Variants in KIF26B observed in about 807,000 individuals in gnomAD.
KIF26B encodes the protein kinesin family member 26B, also known as kinesin-like protein KIF26B.
A neutral mutation model predicts 151.2 loss-of-function variants in KIF26B; 63 were observed. The ratio of observed to expected loss-of-function variants is 0.42; its 90% CI spans 0.34 to 0.51. The LOEUF (loss-of-function observed/expected upper bound fraction) is 0.51. KIF26B is among the 20% of genes least tolerant of loss of function. KIF26B has a pLI of 0.07. For missense variants in KIF26B, 2,813 were observed against 2,913.6 expected, an observed-to-expected ratio of 0.97 and a Z score of 0.79; for synonymous variants, 1,357 against 1,262.1, an observed-to-expected ratio of 1.08 and a Z score of -1.59.
intron 4 of KIF26B, among the ~76,000 whole-genome samples, chr1:245,530,024 T>C (rs1661325443): frequency 6.6e-6 from 1 of 152,136 alleles, no homozygotes; most frequent in Non-Finnish European, 1.5e-5. Flanking sequence ...AAGATCTGAA[T>C]AGACATTTCT....
At position 245,563,919 on chromosome 1, in the gene KIF26B, C is replaced by T. The variant is rs946336331; in HGVS notation, c.1350+22969C>T. On this transcript the variant is annotated intron_variant, in intron 5 of 14. Coordinates refer to ENST00000407071, the MANE Select transcript of KIF26B (RefSeq NM_018012.4). The surrounding 1 kb of genome is among the most constrained non-coding windows in gnomAD (Gnocchi z 4.6). ...GACCCTGCACTACAGGTTCCTTTTTCTCTCCCTGTCCGTGCATCCATCTGT... is the reference window on the plus strand; with the variant it reads ...GACCCTGCACTACAGGTTCCTTTTTTTCTCCCTGTCCGTGCATCCATCTGT... 3.9e-5 allele frequency among the ~76,000 whole-genome samples: 6 copies of T among 152,144 alleles called. No individual in the cohort carries two copies. Among genetic ancestry groups the T allele is most frequent in the Non-Finnish European group, 5.9e-5 (4 of 68,030 alleles).
At chr1:245,550,505 A>C (rs1036743285) in intron 5 of KIF26B, among the ~76,000 whole-genome samples, 1 of 152,236 alleles carries the variant, frequency 6.6e-6, no homozygotes, top group Non-Finnish European at 1.5e-5. Flanking sequence ...CCCTAGCAGC[A>C]GCGTCGGCAC....
Position 245,419,709 on chromosome 1 carries a change from C to A in KIF26B, c.1130C>A (p.Ser377Tyr). 2 of 1,613,414 alleles carry A rather than the reference C, an allele frequency of 1.2e-6. No homozygotes were observed. The highest frequency in any genetic ancestry group is 1.7e-6 in the Non-Finnish European group (2 of 1,179,600). ...GGCTCCTGCGTGGCCAGCGAGACTTCCACAGGCACATCGGTGGCCGCCTCC... is the reference window on the plus strand; with the variant it reads ...GGCTCCTGCGTGGCCAGCGAGACTTACACAGGCACATCGGTGGCCGCCTCC... ...SQGSCVASETSTGTSVAASFF... is the reference protein window; with the variant it reads ...SQGSCVASETYTGTSVAASFF... The change falls in exon 4 of 15, where the codon TCC becomes TAC. Residue 377 changes from serine to tyrosine, a missense_variant. Coordinates refer to ENST00000407071, the MANE Select transcript of KIF26B (RefSeq NM_018012.4).
At chr1:245,469,111 T>C (rs373188838) in intron 4 of KIF26B, among the ~76,000 whole-genome samples, 1 of 152,232 alleles carries the variant, frequency 6.6e-6, no homozygotes, top group Non-Finnish European at 1.5e-5. Flanking sequence ...GGCTGCAACG[T>C]AAATGACCTC....
chr1:245,315,460 G>T (rs1165218424), intron 2 of KIF26B, among the ~76,000 whole-genome samples: 1 of 152,004 alleles, frequency 6.6e-6, no homozygotes, highest in Non-Finnish European at 1.5e-5. Context: ...AGTGGCTCAT[G>T]CCTGTAATCC....
intron 4 of KIF26B, among the ~76,000 whole-genome samples, chr1:245,490,914 C>T (rs2103073864): frequency 6.6e-6 from 1 of 152,314 alleles, no homozygotes; most frequent in Middle Eastern, 3.4e-3. Flanking sequence ...TACATTAACT[C>T]TCCTTATGGT....
chr1:245,658,975 T>C (rs2044103593), intron 10 of KIF26B, among the ~76,000 whole-genome samples: 1 of 151,506 alleles, frequency 6.6e-6, no homozygotes, highest in Non-Finnish European at 1.5e-5. Flanking sequence ...CTCACACTTG[T>C]AATCCCAGCA....
rs1396061803 is a variant in KIF26B at position 245,540,741 on chromosome 1, C to A, written c.1167-26C>A. The A allele has an allele frequency of 6.3e-7, 1 of 1,594,384 alleles. No homozygotes were observed. Among genetic ancestry groups the A allele is most frequent in the Non-Finnish European group, 8.6e-7 (1 of 1,162,282 alleles). On this transcript the variant is annotated intron_variant, in intron 4 of 14. Coordinates refer to ENST00000407071, the MANE Select transcript of KIF26B (RefSeq NM_018012.4). The surrounding 1 kb of genome is among the most constrained non-coding windows in gnomAD (Gnocchi z 4.6). ...AGATCTGATCGTACAATCATTTTCC[C>A]CTTATTGTTCCTTTTTCCACTCCAG...
intron 2 of KIF26B, among the ~76,000 whole-genome samples, chr1:245,296,103 G>A (rs1186803795): frequency 1.3e-5 from 2 of 151,982 alleles, no homozygotes; most frequent in South Asian, 2.1e-4. Context: ...ATTGAATTGG[G>A]TTGTACATGC....
intron 9 of KIF26B, 160 bp from the exon 10 acceptor site, chr1:245,645,961 C>T: frequency 3.0e-6 from 2 of 677,312 alleles, no homozygotes; most frequent in South Asian, 2.1e-5. Flanking sequence ...CTATTTGCAA[C>T]CCCAGCGTGA....
chr1:245,604,845 C>T (rs1026443206), intron 6 of KIF26B, among the ~76,000 whole-genome samples: 2 of 152,116 alleles, frequency 1.3e-5, no homozygotes, highest in African/African-American at 2.4e-5. Context: ...CAAGACATTT[C>T]GTAGACATTA....
chr1:245,536,567 G>A (rs898531892), intron 4 of KIF26B, among the ~76,000 whole-genome samples: 17 of 152,204 alleles, frequency 1.1e-4, no homozygotes, highest in Non-Finnish European at 2.4e-4. Context: ...ATTGACTGTG[G>A]CTGTGTGACA....
chr1:245,441,919 A>G (rs72761188), intron 4 of KIF26B, among the ~76,000 whole-genome samples: 19,557 of 152,120 alleles, frequency 0.13, 1,291 homozygotes, highest in South Asian at 0.16. Context: ...ATCCACAGAC[A>G]CTGGCAGACG....
At chr1:245,343,244 T>G (rs903641492) in intron 2 of KIF26B, among the ~76,000 whole-genome samples, 1 of 152,180 alleles carries the variant, frequency 6.6e-6, no homozygotes, top group Admixed American at 6.5e-5. Flanking sequence ...TTGGGTGTGA[T>G]GTGTTGGAAG....
At chr1:245,641,666 TTC>T (rs1436616263) in intron 9 of KIF26B, among the ~76,000 whole-genome samples, 4 of 152,188 alleles carry the variant, frequency 2.6e-5, no homozygotes, top group African/African-American at 7.2e-5. Flanking sequence ...CCTCCAGGAT[TTC>T]TGTTTAATTT....
intron 9 of KIF26B, among the ~76,000 whole-genome samples, chr1:245,645,389 T>G (rs1330227946): frequency 3.3e-5 from 5 of 152,230 alleles, no homozygotes; most frequent in South Asian, 2.1e-4. Flanking sequence ...CTCTCTCCTC[T>G]GCAGTACTCT....
chr1:245,599,337 C>T (rs141796456), intron 5 of KIF26B, among the ~76,000 whole-genome samples: 3 of 152,198 alleles, frequency 2.0e-5, no homozygotes, highest in Non-Finnish European at 4.4e-5. Context: ...GCCTTTCCCC[C>T]AGCTCGGAGC....
At chr1:245,255,169 C>G (rs971609818) in intron 2 of KIF26B, among the ~76,000 whole-genome samples, 1 of 152,192 alleles carries the variant, frequency 6.6e-6, no homozygotes, top group African/African-American at 2.4e-5. Flanking sequence ...TATGACCCAG[C>G]AAGAAGACCC....
At chr1:245,426,183 C>T (rs371857143) in intron 4 of KIF26B, among the ~76,000 whole-genome samples, 3 of 151,816 alleles carry the variant, frequency 2.0e-5, no homozygotes, top group East Asian at 3.9e-4. Flanking sequence ...TTCTCTCTCT[C>T]CCCCTTCCTC....
Sources: allele counts gnomAD v4.1 joint callset (sites outside exome capture counted in the v4.1 genomes callset), GRCh38; gene constraint gnomAD v4.1.1; non-coding constraint Gnocchi (gnomAD v3.1); transcripts MANE v1.5; gene names NCBI Gene and HGNC (gene_info 2026-07-23, HGNC 2026-07-21).